ATP2B2: variants seen among roughly 807,000 people sequenced by gnomAD.
ATP2B2 encodes plasma membrane calcium-transporting ATPase 2.
Under a neutral mutation model 120.0 loss-of-function variants are expected in ATP2B2, and 15 were observed. The observed-to-expected ratio is 0.12, with a 90% CI of 0.08 to 0.19. The LOEUF (loss-of-function observed/expected upper bound fraction) is 0.19, where lower values mean the gene tolerates loss of function less well. Among genes scored for constraint, ATP2B2 ranks in the 10% least tolerant of loss-of-function variants. The pLI is 1.00. For missense variants in ATP2B2, 1,045 were observed against 1,719.8 expected (o/e 0.61, Z 6.94); for synonymous variants, 694 against 700.3 (o/e 0.99, Z 0.14).
chr3:10,703,908 G>A (rs191781034), intron 1 of ATP2B2, among the ~76,000 whole-genome samples: 1 of 152,148 alleles, frequency 6.6e-6, no homozygotes, highest in Non-Finnish European at 1.5e-5. Flanking sequence ...CTAGTCACCC[G>A]GGGGCAGGTA....
chr3:10,448,343 G>A (rs1276143044), intron 2 of ATP2B2, among the ~76,000 whole-genome samples: 4 of 152,150 alleles, frequency 2.6e-5, no homozygotes, highest in Non-Finnish European at 1.5e-5. Flanking sequence ...ACTGAGGCTC[G>A]GTGCAGCTTT....
intron 22 of ATP2B2, among the ~76,000 whole-genome samples, chr3:10,335,558 G>T (rs1227438030): frequency 6.6e-6 from 1 of 152,158 alleles, no homozygotes; most frequent in South Asian, 2.1e-4. Context: ...TACTGTGGGT[G>T]CCCCCTGACC....
intron 1 of ATP2B2, among the ~76,000 whole-genome samples, chr3:10,485,569 G>T (rs2065612390): frequency 6.6e-6 from 1 of 152,180 alleles, no homozygotes; most frequent in South Asian, 2.1e-4. Flanking sequence ...TCTAAAGCAG[G>T]CCCCTGTGAA....
intron 2 of ATP2B2, among the ~76,000 whole-genome samples, chr3:10,540,168 G>T (rs1171253216): frequency 6.6e-6 from 1 of 152,150 alleles, no homozygotes; most frequent in African/African-American, 2.4e-5. Context: ...ACCACAATGA[G>T]ATACCATCTC....
intron 1 of ATP2B2, among the ~76,000 whole-genome samples, chr3:10,664,090 G>A (rs527472593): frequency 2.0e-5 from 3 of 152,164 alleles, no homozygotes; most frequent in East Asian, 1.9e-4. Context: ...TGACAGGTGC[G>A]GAAATAGAGG....
Position 10,371,864 on chromosome 3 carries a change from A to G in ATP2B2, c.1604T>C (p.Met535Thr), listed in dbSNP as rs2061253267. The G allele has an allele frequency of 1.9e-6, 3 of 1,614,122 alleles. No individual in the cohort carries two copies. The highest frequency in any genetic ancestry group is 3.3e-5 in the Admixed American group (2 of 60,026). ...PDPSSINTKT[M>T]ELLINAIAIN... is the part of the protein sequence containing the mutation. The stretch of plus-strand genomic sequence containing the variant: ...GGCGATGGCATTGATCAGCAGCTCC[A>G]TGGTCTTGGTGTTGATGGAGCTGGG... Residue 535 changes from methionine (M) to threonine (T), a missense_variant, in exon 12 of 23, where the codon ATG becomes ACG. Coordinates refer to ENST00000360273, the MANE Select transcript of ATP2B2 (RefSeq NM_001001331.4).
intron 2 of ATP2B2, among the ~76,000 whole-genome samples, chr3:10,542,713 A>C (rs906791434): frequency 1.3e-4 from 20 of 152,172 alleles, no homozygotes; most frequent in Admixed American, 1.3e-4. Context: ...TGTCATTCAA[A>C]ATTTTTACGC....
chr3:10,589,527 G>A (rs894516979), intron 2 of ATP2B2, among the ~76,000 whole-genome samples: 6 of 152,168 alleles, frequency 3.9e-5, no homozygotes, highest in South Asian at 2.1e-4. Context: ...GAAGAATGGC[G>A]CTGTGGGACA....
intron 8 of ATP2B2, among the ~76,000 whole-genome samples, chr3:10,381,443 A>G (rs2061528145): frequency 6.6e-6 from 1 of 152,216 alleles, no homozygotes; most frequent in Non-Finnish European, 1.5e-5. Flanking sequence ...ATCAGATGCA[A>G]TAGCCGGTGT....
intron 2 of ATP2B2, among the ~76,000 whole-genome samples, chr3:10,600,654 G>A (rs2068883876): frequency 6.6e-6 from 1 of 152,180 alleles, no homozygotes; most frequent in Non-Finnish European, 1.5e-5. Context: ...CTAATCAGTG[G>A]GATCTGCCGC....
At chr3:10,446,916 G>A (rs1559348903) in intron 2 of ATP2B2, among the ~76,000 whole-genome samples, 1 of 152,224 alleles carries the variant, frequency 6.6e-6, no homozygotes, top group Non-Finnish European at 1.5e-5. Context: ...CTTTTCACCT[G>A]AAGCCTCACT....
intron 3 of ATP2B2, among the ~76,000 whole-genome samples, chr3:10,525,270 T>C (rs1180936619): frequency 2.6e-5 from 4 of 152,210 alleles, no homozygotes; most frequent in African/African-American, 9.7e-5. Flanking sequence ...AGCCTTTTGG[T>C]TGTAGTTAGT....
At chr3:10,499,257 A>G (rs760493472) in intron 1 of ATP2B2, among the ~76,000 whole-genome samples, 33 of 152,340 alleles carry the variant, frequency 2.2e-4, no homozygotes, top group Middle Eastern at 3.4e-3. Flanking sequence ...CTTACAGGCA[A>G]GAAAACATCC....
chr3:10,673,099 G>T (rs1221647359), intron 1 of ATP2B2, among the ~76,000 whole-genome samples: 4 of 152,194 alleles, frequency 2.6e-5, no homozygotes, highest in Non-Finnish European at 5.9e-5. Context: ...TAGGAATGTT[G>T]TGAGGCTTAA....
intron 21 of ATP2B2, among the ~76,000 whole-genome samples, chr3:10,339,125 C>T (rs374813090): frequency 6.0e-4 from 92 of 152,264 alleles, no homozygotes; most frequent in African/African-American, 1.9e-3. Flanking sequence ...CAGCACTGCC[C>T]GCTGGCATTA....
chr3:10,447,791 G>A (rs1002328525), intron 2 of ATP2B2, among the ~76,000 whole-genome samples: 2 of 152,194 alleles, frequency 1.3e-5, no homozygotes, highest in Non-Finnish European at 2.9e-5. Context: ...TTTAAGCCTC[G>A]TGCCAGAATC....
chr3:10,356,491 ATGTG>A (rs1219581115), intron 14 of ATP2B2, among the ~76,000 whole-genome samples: 1 of 152,178 alleles, frequency 6.6e-6, no homozygotes, highest in Non-Finnish European at 1.5e-5. Context: ...CTTTGGTGAA[ATGTG>A]TGTGTTTACT....
intron 2 of ATP2B2, among the ~76,000 whole-genome samples, chr3:10,420,804 T>C (rs1205439360): frequency 2.0e-5 from 3 of 152,246 alleles, no homozygotes; most frequent in Admixed American, 1.3e-4. Flanking sequence ...TCACTGAGCT[T>C]TCTCCAAGGC....
chr3:10,348,153 A>G (rs900733579), intron 16 of ATP2B2, among the ~76,000 whole-genome samples: 3 of 151,908 alleles, frequency 2.0e-5, no homozygotes, highest in Non-Finnish European at 2.9e-5. Context: ...TCGATGTCCA[A>G]TGCTCTTCTC....
Sources: gnomAD v4.1 joint callset for allele counts (sites outside exome capture counted in the v4.1 genomes callset) on GRCh38, gnomAD v4.1.1 for gene constraint, MANE v1.5 for transcripts, NCBI Gene and HGNC (gene_info 2026-07-23, HGNC 2026-07-21) for gene names.